The following EP300 variants were observed in gnomAD, a reference collection of about 807,000 sequenced individuals.
EP300 encodes the protein EP300 lysine acetyltransferase, also known as histone acetyltransferase p300.
A neutral mutation model predicts 264.0 loss-of-function variants in EP300; 31 were observed. The observed-to-expected ratio is 0.12, with a 90% CI of 0.09 to 0.16. EP300 has a LOEUF of 0.16. Among genes scored for constraint, EP300 ranks in the 10% least tolerant of loss-of-function variants. The pLI is 1.00. For synonymous variants in EP300, 1,340 were observed against 1,045.4 expected (o/e 1.28, Z -5.44); for missense variants, 2,766 against 3,052.9 (o/e 0.91, Z 2.21).
chr22:41,177,517 G>T lies in EP300; in HGVS notation c.5806G>T (p.Ala1936Ser). The T allele has an allele frequency of 6.2e-7, 1 of 1,614,194 alleles. No individual in the cohort carries two copies. The highest frequency in any genetic ancestry group is 8.5e-7 in the Non-Finnish European group (1 of 1,180,042). The change falls in exon 31 of 31, where the codon GCG (alanine) becomes TCG (serine). Residue 1936 changes from alanine (A) to serine (S), a missense_variant. Physicochemically the swap from Ala to Ser is moderately conservative, Grantham distance 99. Coordinates refer to ENST00000263253, the MANE Select transcript of EP300 (RefSeq NM_001429.4). ...VEMAMQIQRA[A>S]ETQRQMAHVQ... ...AATGGCAATGCAGATTCAGAGAGCA[G>T]CGGAGACGCAGCGCCAGATGGCCCA...
chr22:41,102,189 T>G (rs899361456), intron 1 of EP300, among the ~76,000 whole-genome samples: 3 of 152,168 alleles, frequency 2.0e-5, no homozygotes, highest in Non-Finnish European at 4.4e-5. Flanking sequence ...GCCAGGAACT[T>G]ATCCTCTGTA....
chr22:41,152,957 C>CGT (rs2059055644), intron 16 of EP300, among the ~76,000 whole-genome samples: 1 of 152,086 alleles, frequency 6.6e-6, no homozygotes, highest in African/African-American at 2.4e-5. Context: ...AGGATTTCAC[C>CGT]GTGTTGGCCA....
intron 17 of EP300, 64 bp from the exon 18 acceptor site, chr22:41,157,105 G>A (rs2059081568): frequency 1.2e-6 from 2 of 1,600,088 alleles, no homozygotes; most frequent in Admixed American, 1.7e-5. Context: ...GATAATGGAT[G>A]ATACTCCATC....
chr22:41,106,653 T>C (rs2058759533), intron 1 of EP300, among the ~76,000 whole-genome samples: 1 of 152,228 alleles, frequency 6.6e-6, no homozygotes, highest in South Asian at 2.1e-4. Context: ...TTTGAGACTG[T>C]CGTCCAGGCT....
At chr22:41,142,773 C>G (rs1300973884) in intron 10 of EP300, among the ~76,000 whole-genome samples, 2 of 152,080 alleles carry the variant, frequency 1.3e-5, no homozygotes, top group African/African-American at 4.8e-5. Flanking sequence ...GTAGTCCCAG[C>G]TACTCAAGAG....
intron 22 of EP300, among the ~76,000 whole-genome samples, chr22:41,166,335 T>C (rs1036555254): frequency 2.0e-5 from 3 of 152,216 alleles, no homozygotes; most frequent in Admixed American, 6.5e-5. Context: ...GCAAAACCTA[T>C]CTTGATTTGT....
chr22:41,152,154 AT>A (rs773095862), intron 15 of EP300, 51 bp from the exon 16 acceptor site: 1 of 1,599,498 alleles, frequency 6.3e-7, no homozygotes, highest in Non-Finnish European at 8.6e-7. Flanking sequence ...CAGATTACTG[AT>A]TCCCAACTAG....
Position 41,167,826 on chromosome 22 carries a change from G to GTTTTTTTTTTTTTTT in EP300, c.3875-612_3875-598dup. Reference sequence around the variant, plus strand: ...TCTGTTTGTTTTTGTTTTTTTTTTTGTTTTTTTTTTTTTTTTTTTTTTTTT... The same window carrying GTTTTTTTTTTTTTTT: ...TCTGTTTGTTTTTGTTTTTTTTTTTGTTTTTTTTTTTTTTTTTTTTTTTTTTTTTTTTTTTTTTTT... On this transcript the variant is annotated intron_variant, in intron 23 of 30. Transcript: ENST00000263253. 2.6e-3 allele frequency among the ~76,000 whole-genome samples: 85 copies of GTTTTTTTTTTTTTTT among 32,156 alleles called. 1 individual carries two copies. Among genetic ancestry groups the GTTTTTTTTTTTTTTT allele is most frequent in the Admixed American group, 7.0e-3 (13 of 1,854 alleles). The allele number at this position is 32,156 out of a possible 152,430, so 21.1% of individuals were successfully genotyped here.
At chr22:41,105,543 C>CA (rs1296127131) in intron 1 of EP300, among the ~76,000 whole-genome samples, 1 of 151,596 alleles carries the variant, frequency 6.6e-6, no homozygotes, top group Admixed American at 6.6e-5. Context: ...GGACTATAGG[C>CA]ACATGCCACC....
intron 7 of EP300, 34 bp from the exon 8 acceptor site, chr22:41,137,619 T>C (rs201590964): frequency 1.2e-4 from 188 of 1,613,930 alleles, no homozygotes; most frequent in Middle Eastern, 1.6e-4. Context: ...CCTACCTTTC[T>C]TCACTAAAAC....
Position 41,127,483 on chromosome 22 carries a change from T to C in EP300, c.907-4T>C, listed in dbSNP as rs1365064330. On this transcript the variant is annotated splice_region_variant and splice_polypyrimidine_tract_variant and intron_variant, in intron 3 of 30. Transcript: ENST00000263253. ...ACCATTAAATATATTGTTATATCTC[T>C]CAGGGTCAACAGCCAGCCCCGCAGG... The C allele has an allele frequency of 6.2e-7, 1 of 1,614,028 alleles. No homozygotes were observed. The highest frequency in any genetic ancestry group is 8.5e-7 in the Non-Finnish European group (1 of 1,180,034).
chr22:41,120,035 A>G (rs1187283304), intron 2 of EP300, among the ~76,000 whole-genome samples: 1 of 152,058 alleles, frequency 6.6e-6, no homozygotes, highest in African/African-American at 2.4e-5. Context: ...GCTCGTTGTG[A>G]ACTCCTGACC....
At chr22:41,167,207 G>A (rs1272445248) in intron 23 of EP300, among the ~76,000 whole-genome samples, 1 of 152,128 alleles carries the variant, frequency 6.6e-6, no homozygotes, top group African/African-American at 2.4e-5. Flanking sequence ...ATGTTGGCCA[G>A]GCTGATCTCA....
At chr22:41,108,533 G>C (rs2058771133) in intron 1 of EP300, among the ~76,000 whole-genome samples, 1 of 152,136 alleles carries the variant, frequency 6.6e-6, no homozygotes, top group Admixed American at 6.5e-5. Flanking sequence ...ATAGGCGTGA[G>C]CCACGGTGCC....
intron 8 of EP300, among the ~76,000 whole-genome samples, chr22:41,138,121 T>G (rs890589651): frequency 1.7e-4 from 26 of 152,340 alleles, no homozygotes; most frequent in Admixed American, 2.6e-4. Context: ...CTCATTAAAA[T>G]ATTGCATTGA....
chr22:41,176,604 A>G (rs1359553023), intron 30 of EP300, 76 bp downstream of exon 30: 2 of 1,608,790 alleles, frequency 1.2e-6, no homozygotes, highest in African/African-American at 1.3e-5. Flanking sequence ...CACGTATTTT[A>G]TAGAGGCCTG....
intron 16 of EP300, 88 bp downstream of exon 16, chr22:41,152,438 A>G (rs2059052064): frequency 6.7e-7 from 1 of 1,485,632 alleles, no homozygotes; most frequent in African/African-American, 1.4e-5. Context: ...TGGGCCTCAG[A>G]AGTTGCCATT....
At chr22:41,149,684 T>C in intron 13 of EP300, 77 bp from the exon 14 acceptor site, 1 of 1,454,336 alleles carries the variant, frequency 6.9e-7, no homozygotes, top group Non-Finnish European at 9.6e-7. Context: ...TGTCCTAAAT[T>C]TATATATCAT....
rs1356643990 is a variant in EP300 at position 41,128,286 on chromosome 22, C to G, written c.1168+538C>G. Among the ~76,000 whole-genome samples the G allele has an allele frequency of 2.6e-5, 4 of 152,124 alleles. No individual in the cohort carries two copies. In the East Asian group the frequency reaches 7.7e-4, roughly 29 times the overall value. On this transcript the variant is annotated intron_variant, in intron 4 of 30. Transcript: ENST00000263253. Reference sequence around the variant, plus strand: ...CCTGGGCAATATGGTGAAACCTCGTCTCTACAAAAAAATACTAAAGAAAAT... The same window carrying G: ...CCTGGGCAATATGGTGAAACCTCGTGTCTACAAAAAAATACTAAAGAAAAT...
Sources: gnomAD v4.1 joint callset for allele counts (sites outside exome capture counted in the v4.1 genomes callset) on GRCh38, gnomAD v4.1.1 for gene constraint, MANE v1.5 for transcripts, NCBI Gene and HGNC (gene_info 2026-07-23, HGNC 2026-07-21) for gene names.